Variants in ABLIM3 observed in about 807,000 individuals in gnomAD.
The protein encoded by ABLIM3 is actin binding LIM protein family member 3, also known as actin-binding LIM protein 3.
In ABLIM3, 61 loss-of-function variants were observed where a neutral mutation model predicts 109.5. The ratio of observed to expected loss-of-function variants is 0.56; its 90% CI spans 0.45 to 0.69. The LOEUF (loss-of-function observed/expected upper bound fraction) is 0.69. Ranked by LOEUF, ABLIM3 falls within the 30% of genes least tolerant of loss-of-function variation. ABLIM3 has a pLI of 0.00. For synonymous variants in ABLIM3, 300 were observed against 324.8 expected (o/e 0.92, Z 0.82); for missense variants, 796 against 889.5 (o/e 0.89, Z 1.34).
chr5:149,227,961 A>C (rs994582207), intron 8 of ABLIM3, among the ~76,000 whole-genome samples: 1 of 152,232 alleles, frequency 6.6e-6, no homozygotes, highest in Non-Finnish European at 1.5e-5. Context: ...TCTTATCAGG[A>C]TAAATGGGTG....
chr5:149,226,464 T>G (rs1244529059), intron 8 of ABLIM3, among the ~76,000 whole-genome samples: 1 of 151,632 alleles, frequency 6.6e-6, no homozygotes, highest in African/African-American at 2.4e-5. Flanking sequence ...AGCCTGGTGA[T>G]AAAGCGAGAC....
chr5:149,153,527 C>T lies in ABLIM3; in HGVS notation c.13+11419C>T, dbSNP rs138041529. ...CGGCCTACAGGAAAAAATGTGATTT[C>T]AGGCCATATGGACAGGAGGTGAGAG... On this transcript the variant is annotated intron_variant, in intron 2 of 23. Transcript: ENST00000309868. Among the ~76,000 whole-genome samples, 102 of 152,326 alleles carry T rather than the reference C, an allele frequency of 6.7e-4. 2 individuals carry two copies. In the East Asian group the frequency reaches 0.019, roughly 28 times the overall value.
At chr5:149,245,108 A>C in intron 16 of ABLIM3, 93 bp downstream of exon 16, 1 of 1,511,366 alleles carries the variant, frequency 6.6e-7, no homozygotes, top group South Asian at 1.2e-5. Flanking sequence ...TTATACAATC[A>C]TTCTGAATAA....
In ABLIM3 at chr5:149,198,558, G is replaced by C. The variant is rs1301391971; in HGVS notation, c.335+156G>C. 6.6e-6 allele frequency among the ~76,000 whole-genome samples: 1 copy of C among 152,172 alleles called. No individual in the cohort carries two copies. The highest frequency in any genetic ancestry group is 2.4e-5 in the African/African-American group (1 of 41,434). On this transcript the variant is annotated intron_variant, in intron 4 of 23. Coordinates refer to ENST00000309868, the MANE Select transcript of ABLIM3 (RefSeq NM_014945.5). The surrounding 1 kb of genome is among the most constrained non-coding windows in gnomAD (Gnocchi z 4.2). Reference sequence around the variant, plus strand: ...GTGTGGAGGGATCTGATGGGCCAGTGGTTTTCAAACACTGTAGCATCTGAA... The same window carrying C: ...GTGTGGAGGGATCTGATGGGCCAGTCGTTTTCAAACACTGTAGCATCTGAA...
chr5:149,145,015 G>A (rs192844379), intron 2 of ABLIM3, among the ~76,000 whole-genome samples: 16 of 152,146 alleles, frequency 1.1e-4, no homozygotes, highest in African/African-American at 3.4e-4. Flanking sequence ...AGATTCAGAA[G>A]GTACATGTGC....
At chr5:149,169,611 T>C (rs1232359252) in intron 2 of ABLIM3, among the ~76,000 whole-genome samples, 2 of 152,178 alleles carry the variant, frequency 1.3e-5, no homozygotes, top group Non-Finnish European at 2.9e-5. Flanking sequence ...ACATGGCTGC[T>C]CAGGGGAGAG....
At chr5:149,179,003 A>G (rs1481637237) in intron 2 of ABLIM3, among the ~76,000 whole-genome samples, 2 of 152,198 alleles carry the variant, frequency 1.3e-5, no homozygotes, top group Non-Finnish European at 2.9e-5. Context: ...ACAACAGATG[A>G]GAGAGGGAGG....
chr5:149,155,000 C>G (rs545566204), intron 2 of ABLIM3, among the ~76,000 whole-genome samples: 13 of 152,086 alleles, frequency 8.5e-5, no homozygotes, highest in Non-Finnish European at 1.8e-4. Flanking sequence ...AGTGATGGAG[C>G]CTTGAGTGAA....
At position 149,259,114 on chromosome 5, in the gene ABLIM3, A is replaced by G. The variant is rs910898831; in HGVS notation, c.*710A>G. 8 of 1,015,776 alleles carry G rather than the reference A, an allele frequency of 7.9e-6. No homozygotes were observed. Among genetic ancestry groups the G allele is most frequent in the Non-Finnish European group, 2.4e-6 (2 of 848,658 alleles). The allele number at this position is 1,015,776 out of a possible 1,614,324, so 62.9% of individuals were successfully genotyped here. ...CCTTCCCTTCCCTCCACCACTTCCA[A>G]CTGGCCCCTTTGCCTGACCTGGACT... On this transcript the variant is annotated 3_prime_UTR_variant, in exon 24 of 24. Transcript: ENST00000309868.
Position 149,241,038 on chromosome 5 carries a change from C to T in ABLIM3, c.1303+264C>T, listed in dbSNP as rs374535406. 2.3e-4 allele frequency among the ~76,000 whole-genome samples: 35 copies of T among 152,302 alleles called. 2 individuals carry two copies. Among genetic ancestry groups the T allele is most frequent in the African/African-American group, 7.5e-4 (31 of 41,562 alleles). ...GAGGCAGGGAGCTCGAGTGAGATAC[C>T]GTGAGTGCTTGAGGGCTGTGAGGGG... On this transcript the variant is annotated intron_variant, in intron 14 of 23. Transcript: ENST00000309868.
In ABLIM3 at chr5:149,259,129, T is replaced by C; in HGVS notation, c.*725T>C. On this transcript the variant is annotated 3_prime_UTR_variant, in exon 24 of 24. Coordinates refer to ENST00000309868, the MANE Select transcript of ABLIM3 (RefSeq NM_014945.5). Reference sequence around the variant, plus strand: ...ACCACTTCCAACTGGCCCCTTTGCCTGACCTGGACTTGGAGAACCAGAGGA... The same window carrying C: ...ACCACTTCCAACTGGCCCCTTTGCCCGACCTGGACTTGGAGAACCAGAGGA... 1 of 1,014,792 alleles carries C rather than the reference T, an allele frequency of 9.9e-7. No individual in the cohort carries two copies. The highest frequency in any genetic ancestry group is 1.2e-6 in the Non-Finnish European group (1 of 848,272). The allele number at this position is 1,014,792 out of a possible 1,614,324, so 62.9% of individuals were successfully genotyped here.
At chr5:149,143,498 C>G (rs1752670437) in intron 2 of ABLIM3, among the ~76,000 whole-genome samples, 1 of 151,864 alleles carries the variant, frequency 6.6e-6, no homozygotes, top group African/African-American at 2.4e-5. Flanking sequence ...CCAAAACCTA[C>G]TATTTCCTCA....
chr5:149,160,932 C>T (rs962112305), intron 2 of ABLIM3, among the ~76,000 whole-genome samples: 9 of 152,210 alleles, frequency 5.9e-5, no homozygotes, highest in Admixed American at 2.0e-4. Flanking sequence ...AATGAATGCC[C>T]GTGTTCATAT....
chr5:149,215,739 C>T (rs566087218), intron 7 of ABLIM3, among the ~76,000 whole-genome samples: 1 of 152,212 alleles, frequency 6.6e-6, no homozygotes, highest in African/African-American at 2.4e-5. Flanking sequence ...CAAACAAGGC[C>T]CACCTGCCAA....
intron 6 of ABLIM3, among the ~76,000 whole-genome samples, chr5:149,207,805 G>C (rs938676757): frequency 6.6e-6 from 1 of 152,244 alleles, no homozygotes; most frequent in Non-Finnish European, 1.5e-5. Flanking sequence ...GGATATGAGA[G>C]GAGGTGATGG....
At chr5:149,161,574 C>T (rs1021130615) in intron 2 of ABLIM3, among the ~76,000 whole-genome samples, 7 of 152,178 alleles carry the variant, frequency 4.6e-5, no homozygotes, top group East Asian at 1.9e-4. Flanking sequence ...TTCCTGGAGT[C>T]GACTGGGGAC....
chr5:149,225,922 TAC>T (rs1390273801), intron 8 of ABLIM3, among the ~76,000 whole-genome samples: 35 of 43,228 alleles, frequency 8.1e-4, no homozygotes, highest in African/African-American at 3.2e-3. Context: ...CCATCATATA[TAC>T]ATATATATAT....
At chr5:149,188,866 C>A (rs1294856751) in intron 3 of ABLIM3, among the ~76,000 whole-genome samples, 1 of 152,254 alleles carries the variant, frequency 6.6e-6, no homozygotes, top group South Asian at 2.1e-4. Flanking sequence ...ATGGTCTGAT[C>A]CTAAAATTCA....
intron 3 of ABLIM3, among the ~76,000 whole-genome samples, 185 bp downstream of exon 3, chr5:149,183,774 T>C (rs1046206150): frequency 2.0e-5 from 3 of 152,084 alleles, no homozygotes; most frequent in Admixed American, 6.5e-5. Context: ...TATTGGTACG[T>C]GAGGGAGACA....
Sources: allele counts gnomAD v4.1 joint callset (sites outside exome capture counted in the v4.1 genomes callset), GRCh38; gene constraint gnomAD v4.1.1; non-coding constraint Gnocchi (gnomAD v3.1); transcripts MANE v1.5; gene names NCBI Gene and HGNC (gene_info 2026-07-23, HGNC 2026-07-21).